Variants in PCDHA8 observed in about 807,000 individuals in gnomAD.
PCDHA8 encodes protocadherin alpha 8.
In PCDHA8, 53 loss-of-function variants were observed where a neutral mutation model predicts 61.8. The observed-to-expected ratio is 0.86, with a 90% CI of 0.69 to 1.08. The LOEUF is 1.08. Ranked by LOEUF, PCDHA8 falls within the 50% of genes least tolerant of loss-of-function variation. The pLI, the probability that PCDHA8 is intolerant of heterozygous loss-of-function variation, is 0.00. For missense variants in PCDHA8, 1,293 were observed against 1,245.0 expected, an observed-to-expected ratio of 1.04 and a Z score of -0.58; for synonymous variants, 618 against 556.6, an observed-to-expected ratio of 1.11 and a Z score of -1.55.
chr5:140,857,234 C>T (rs781784109), intron 1 of PCDHA8: 2 of 1,598,590 alleles, frequency 1.3e-6, no homozygotes, highest in South Asian at 1.1e-5. Context: ...TCCGTTCAAG[C>T]TGGTGTCCAC....
chr5:140,978,868 G>C (rs2096826928), intron 1 of PCDHA8, 81 bp from the exon 2 acceptor site: 2 of 1,606,078 alleles, frequency 1.2e-6, no homozygotes, highest in Non-Finnish European at 1.7e-6. Context: ...ATATTTAAGG[G>C]AGTAACTAAT....
intron 1 of PCDHA8, chr5:140,853,207 G>A: frequency 2.0e-6 from 2 of 983,504 alleles, no homozygotes; most frequent in Non-Finnish European, 2.5e-6. Context: ...ATTGACGGCT[G>A]TATTGATGGG....
At chr5:140,969,236 G>A (rs782453054) in intron 1 of PCDHA8, 5 of 1,614,052 alleles carry the variant, frequency 3.1e-6, no homozygotes, top group Non-Finnish European at 4.2e-6. Flanking sequence ...GGGAGCCCAA[G>A]CAGCAGTGAC....
At chr5:140,981,748 G>C (rs975887463) in intron 2 of PCDHA8, among the ~76,000 whole-genome samples, 28 of 151,686 alleles carry the variant, frequency 1.8e-4, no homozygotes, top group African/African-American at 6.8e-4. Context: ...ATATGAGTTA[G>C]TATTAGACAT....
intron 1 of PCDHA8, chr5:140,863,133 G>T (rs2047814450): frequency 5.0e-6 from 3 of 600,930 alleles, no homozygotes; most frequent in African/African-American, 1.9e-5. Flanking sequence ...GCCACCGCCT[G>T]CTGGTGCTGG....
intron 1 of PCDHA8, among the ~76,000 whole-genome samples, chr5:140,956,546 G>A (rs1330264002): frequency 1.3e-5 from 2 of 152,158 alleles, no homozygotes; most frequent in Non-Finnish European, 2.9e-5. Flanking sequence ...GCTGGATTTG[G>A]TTTGCCAGTA....
At chr5:140,967,699 T>C (rs781874469) in intron 1 of PCDHA8, 9 of 1,614,154 alleles carry the variant, frequency 5.6e-6, no homozygotes, top group Non-Finnish European at 7.6e-6. Context: ...TCAGCATAGA[T>C]GCCAGTACCG....
At chr5:140,871,246 C>T (rs782203109) in intron 1 of PCDHA8, 2 of 1,613,982 alleles carry the variant, frequency 1.2e-6, no homozygotes, top group Non-Finnish European at 1.7e-6. Context: ...ACTCACGCTG[C>T]TGCTGTATAC....
At position 140,870,363 on chromosome 5, in the gene PCDHA8, T is replaced by C. The variant is rs782093088; in HGVS notation, c.2394+26648T>C. 1.9e-6 allele frequency: 3 copies of C among 1,614,206 alleles called. No homozygotes were observed. The South Asian group carries it at 3.3e-5, about 18-fold the overall frequency. On this transcript the variant is annotated intron_variant, in intron 1 of 3. Transcript: ENST00000531613. ...TGGACCGCGAGAACGTGTGGGCCTA[T>C]GAACTGGTGGTGACTGCGCGGGATG...
rs782597550 is a variant in PCDHA8 at position 140,934,018 on chromosome 5, TG to T, written c.2395-44929del. ...ACCTCTCATTTTTCTTGACTAGACTTGGAAGTAGTTTATTAATGATATTAGT... is the reference window on the plus strand; with the variant it reads ...ACCTCTCATTTTTCTTGACTAGACTTGAAGTAGTTTATTAATGATATTAGT... On this transcript the variant is annotated intron_variant, in intron 1 of 3. Coordinates refer to ENST00000531613, the MANE Select transcript of PCDHA8 (RefSeq NM_018911.3). Among the ~76,000 whole-genome samples the T allele has an allele frequency of 2.6e-4, 40 of 152,182 alleles. 1 individual carries two copies. The highest frequency in any genetic ancestry group is 3.4e-3 in the Middle Eastern group (1 of 294).
intron 3 of PCDHA8, among the ~76,000 whole-genome samples, chr5:141,000,383 CTCTCTCTCTCTCTATA>C (rs1346959358): frequency 3.2e-5 from 2 of 63,198 alleles, no homozygotes; most frequent in African/African-American, 1.4e-4. Context: ...CTCTCTCTCT[CTCTCTCTCTCTCTATA>C]TATATATATA....
At chr5:140,846,383 T>C (rs1416297479) in intron 1 of PCDHA8, among the ~76,000 whole-genome samples, 1 of 137,386 alleles carries the variant, frequency 7.3e-6, no homozygotes, top group African/African-American at 2.6e-5. Flanking sequence ...CTTTTTTTTT[T>C]TTTTTTTTTG....
At chr5:140,972,624 G>A (rs2096543924) in intron 1 of PCDHA8, among the ~76,000 whole-genome samples, 1 of 150,616 alleles carries the variant, frequency 6.6e-6, no homozygotes, top group Non-Finnish European at 1.5e-5. Flanking sequence ...GAATGTTGTT[G>A]GCACTCCCTT....
intron 1 of PCDHA8, chr5:140,969,627 G>A: frequency 1.5e-6 from 1 of 664,866 alleles, no homozygotes; most frequent in Non-Finnish European, 2.5e-6. Flanking sequence ...AGAGAAACAG[G>A]ACAGGCCTTG....
chr5:140,848,879 C>T (rs2150423372), intron 1 of PCDHA8: 26 of 1,590,952 alleles, frequency 1.6e-5, no homozygotes, highest in Admixed American at 1.2e-4. Flanking sequence ...ACATTAACGA[C>T]AACCCTCCAG....
Position 140,843,163 on chromosome 5 carries a change from T to A in PCDHA8, c.1842T>A (p.Ala614=), listed in dbSNP as rs2150354219. 3 of 1,596,072 alleles carry A rather than the reference T, an allele frequency of 1.9e-6. No individual in the cohort carries two copies. The highest frequency in any genetic ancestry group is 2.6e-6 in the Non-Finnish European group (3 of 1,165,580). ...GGCTTTCGTATGAGCTGCAGCCAGC[T>A]GCAAGCAGCCCTCGCATCCCGTTCC... ...NAWLSYELQP[A]ASSPRIPFRV... The change falls in exon 1 of 4, where the codon GCT becomes GCA. Residue 614 remains alanine (A), a synonymous_variant. Coordinates refer to ENST00000531613, the MANE Select transcript of PCDHA8 (RefSeq NM_018911.3).
intron 1 of PCDHA8, among the ~76,000 whole-genome samples, chr5:140,935,679 T>C (rs2090497566): frequency 6.6e-6 from 1 of 152,190 alleles, no homozygotes; most frequent in South Asian, 2.1e-4. Context: ...GTGAAATATT[T>C]ACATGGCTCC....
At chr5:140,876,923 C>T in intron 1 of PCDHA8, 1 of 1,613,834 alleles carries the variant, frequency 6.2e-7, no homozygotes. Flanking sequence ...GACGCGGACG[C>T]GCAGAAGAAC....
At chr5:140,858,685 T>C in intron 1 of PCDHA8, 1 of 595,990 alleles carries the variant, frequency 1.7e-6, no homozygotes, top group Non-Finnish European at 2.8e-6. Flanking sequence ...AATACACTAA[T>C]ATTTTCCAAT....
Sources: gnomAD v4.1 joint callset for allele counts (sites outside exome capture counted in the v4.1 genomes callset) on GRCh38, gnomAD v4.1.1 for gene constraint, MANE v1.5 for transcripts, NCBI Gene and HGNC (gene_info 2026-07-23, HGNC 2026-07-21) for gene names.